SCFD2: variants seen among roughly 807,000 people sequenced by gnomAD.
SCFD2 encodes the protein sec1 family domain containing 2.
In SCFD2, 54 loss-of-function variants were observed where a neutral mutation model predicts 58.9. That is an observed-to-expected ratio of 0.92 (90% CI 0.74 to 1.15). The LOEUF is 1.15. Among genes scored for constraint, SCFD2 ranks in the 50% most tolerant of loss-of-function variants. The pLI is 0.00. For synonymous variants in SCFD2, 321 were observed against 335.9 expected (o/e 0.96, Z 0.49); for missense variants, 805 against 836.6 (o/e 0.96, Z 0.47).
intron 5 of SCFD2, among the ~76,000 whole-genome samples, chr4:52,931,956 C>T (rs1346834019): frequency 6.6e-6 from 1 of 152,182 alleles, no homozygotes; most frequent in Non-Finnish European, 1.5e-5. Context: ...GATGCAGCTG[C>T]AGCAGAGGCC....
intron 5 of SCFD2, among the ~76,000 whole-genome samples, chr4:52,967,987 T>C (rs1007528483): frequency 6.6e-6 from 1 of 152,352 alleles, no homozygotes; most frequent in Admixed American, 6.5e-5. Context: ...GGAAGATGGC[T>C]CTAGCATCCC....
chr4:52,966,237 G>A (rs1265322619), intron 5 of SCFD2, among the ~76,000 whole-genome samples: 1 of 152,190 alleles, frequency 6.6e-6, no homozygotes, highest in Non-Finnish European at 1.5e-5. Flanking sequence ...TGCATGTTTA[G>A]TAATCTTCCA....
rs371992285 is a variant in SCFD2, at chr4:52,933,243, C to T, written c.1562-12373G>A. ...TGACCCCGAGAACAGGGCTAGACTT[C>T]CTGCTGGGGTACAGAGGCTGCTGTC... On this transcript the variant is annotated intron_variant, in intron 5 of 8. Transcript: ENST00000401642. Among the ~76,000 whole-genome samples the T allele has an allele frequency of 3.3e-5, 5 of 152,074 alleles. No individual in the cohort carries two copies. The East Asian group carries it at 5.8e-4, about 18-fold the overall frequency.
chr4:53,097,616 C>G (rs957324377), intron 5 of SCFD2, among the ~76,000 whole-genome samples: 18 of 152,096 alleles, frequency 1.2e-4, no homozygotes, highest in Middle Eastern at 3.2e-3. Context: ...AGATTTTGGG[C>G]TGAGACGATG....
intron 4 of SCFD2, among the ~76,000 whole-genome samples, chr4:53,249,236 T>C (rs1577894873): frequency 6.6e-6 from 1 of 151,596 alleles, no homozygotes. Context: ...TAAAATGAAG[T>C]GAGAAGGGAA....
intron 4 of SCFD2, among the ~76,000 whole-genome samples, chr4:53,180,677 C>T (rs1727519510): frequency 6.6e-6 from 1 of 152,072 alleles, no homozygotes; most frequent in African/African-American, 2.4e-5. Flanking sequence ...GAAACAGAGA[C>T]ACAAAAAACC....
At chr4:52,895,177 T>A (rs944224573) in intron 7 of SCFD2, among the ~76,000 whole-genome samples, 4 of 145,950 alleles carry the variant, frequency 2.7e-5, no homozygotes, top group African/African-American at 1.0e-4. Flanking sequence ...TTGATCCACC[T>A]TTTTTTTTTA....
intron 4 of SCFD2, among the ~76,000 whole-genome samples, chr4:53,186,148 A>G (rs903457016): frequency 7.9e-5 from 12 of 152,124 alleles, no homozygotes; most frequent in Admixed American, 7.9e-4. Context: ...TGACAGTCCT[A>G]TAAGATGGTG....
intron 4 of SCFD2, among the ~76,000 whole-genome samples, chr4:53,212,373 C>A (rs1185893094): frequency 6.6e-6 from 1 of 151,902 alleles, no homozygotes; most frequent in African/African-American, 2.4e-5. Flanking sequence ...ACAATGAAAT[C>A]AATTACCTAG....
chr4:53,179,670 T>C (rs915784500), intron 4 of SCFD2, among the ~76,000 whole-genome samples: 8 of 152,130 alleles, frequency 5.3e-5, no homozygotes, highest in African/African-American at 1.9e-4. Flanking sequence ...TAAATGTAAA[T>C]GGACTAAATG....
intron 7 of SCFD2, among the ~76,000 whole-genome samples, chr4:52,889,678 C>T (rs1718835819): frequency 6.6e-6 from 1 of 152,182 alleles, no homozygotes; most frequent in South Asian, 2.1e-4. Flanking sequence ...TGCATATCAC[C>T]AGTGTGCTGC....
intron 5 of SCFD2, among the ~76,000 whole-genome samples, chr4:53,131,592 A>C (rs549838692): frequency 6.6e-6 from 1 of 152,234 alleles, no homozygotes. Flanking sequence ...AGAACCATAG[A>C]ATGGCAGAGA....
intron 7 of SCFD2, among the ~76,000 whole-genome samples, chr4:52,894,538 T>A (rs1718954277): frequency 6.6e-6 from 1 of 152,234 alleles, no homozygotes; most frequent in South Asian, 2.1e-4. Context: ...CTTGATTTAT[T>A]TGTTAGATCA....
intron 5 of SCFD2, among the ~76,000 whole-genome samples, chr4:52,928,596 C>T (rs1336369866): frequency 6.6e-6 from 1 of 152,170 alleles, no homozygotes; most frequent in African/African-American, 2.4e-5. Context: ...AGAAGTCTCC[C>T]TTCTGGCTCC....
Position 53,273,833 on chromosome 4 carries a change from A to C in SCFD2, c.1304T>G (p.Leu435Arg). ...GTTCCCATAGCAACATACCTGAAGA[A>C]GGAGCCTTTCAAAAGCCAGAAAGTT... Reference protein sequence around the residue: ...WDNFLAFERLLLQSIGESAMS... With the variant: ...WDNFLAFERLRLQSIGESAMS... The change falls in exon 4 of 9, where the codon CTT (leucine) becomes CGT (arginine). Residue 435 changes from leucine (L) to arginine (R), a missense_variant. Physicochemically the swap from Leu to Arg is moderately radical, Grantham distance 102. Around this residue, in one of 3 missense-constraint regions of SCFD2, gnomAD observed 633 missense variants for 646.8 expected, o/e 0.98. Transcript: ENST00000401642. 1 of 1,612,730 alleles carries C rather than the reference A, an allele frequency of 6.2e-7. No individual in the cohort carries two copies. The highest frequency in any genetic ancestry group is 8.5e-7 in the Non-Finnish European group (1 of 1,179,346).
intron 8 of SCFD2, 49 bp downstream of exon 8, chr4:52,885,698 T>A (rs892080236): frequency 6.2e-7 from 1 of 1,608,814 alleles, no homozygotes; most frequent in Admixed American, 1.7e-5. Flanking sequence ...CACCCACCCT[T>A]CACACCCCTA....
intron 4 of SCFD2, among the ~76,000 whole-genome samples, chr4:53,174,129 A>G (rs1384880834): frequency 6.6e-6 from 1 of 152,136 alleles, no homozygotes; most frequent in Non-Finnish European, 1.5e-5. Context: ...TAAAATGAGG[A>G]TAAATCTGAA....
At chr4:53,250,024 A>C (rs1472902708) in intron 4 of SCFD2, among the ~76,000 whole-genome samples, 1 of 152,204 alleles carries the variant, frequency 6.6e-6, no homozygotes, top group East Asian at 1.9e-4. Context: ...TAAAGAGTCA[A>C]GACCCATCAG....
chr4:52,897,692 C>G (rs1719060454), intron 7 of SCFD2, among the ~76,000 whole-genome samples: 1 of 152,144 alleles, frequency 6.6e-6, no homozygotes, highest in Non-Finnish European at 1.5e-5. Context: ...GGAGGATTCC[C>G]TCTTTTTCTA....
Sources: allele counts gnomAD v4.1 joint callset (sites outside exome capture counted in the v4.1 genomes callset), GRCh38; gene constraint gnomAD v4.1.1; regional missense constraint gnomAD v4.1.1; transcripts MANE v1.5; gene names NCBI Gene and HGNC (gene_info 2026-07-23, HGNC 2026-07-21).